The following CDH17 variants were observed in gnomAD, a reference collection of about 807,000 sequenced individuals.
The protein encoded by CDH17 is cadherin-17.
Under a neutral mutation model 86.3 loss-of-function variants are expected in CDH17, and 67 were observed. That is an observed-to-expected ratio of 0.78 (90% confidence interval 0.64 to 0.95). The LOEUF is 0.95. Among genes scored for constraint, CDH17 ranks in the 40% least tolerant of loss-of-function variants. The pLI is 0.00. For synonymous variants in CDH17, 367 were observed against 366.4 expected (o/e 1.00, Z -0.02); for missense variants, 993 against 1,017.6 (o/e 0.98, Z 0.33).
Position 94,174,127 on chromosome 8 carries a change from C to G in CDH17, c.558G>C (p.Thr186=). The change falls in exon 6 of 18, where the codon ACG becomes ACC. Residue 186 remains threonine (T), a synonymous_variant. Coordinates refer to ENST00000027335, the MANE Select transcript of CDH17 (RefSeq NM_004063.4). ...NVMYFQINNK[T]GAISLTREGS... is the part of the protein sequence containing the mutation. ...CCTCTCGGGTAAGAGAGATGGCTCC[C>G]GTTTTGTTGTTGATCTGAAAGTACA... The G allele has an allele frequency of 6.2e-7, 1 of 1,613,580 alleles. No individual in the cohort carries two copies. Among genetic ancestry groups the G allele is most frequent in the Non-Finnish European group, 8.5e-7 (1 of 1,179,780 alleles).
intron 7 of CDH17, among the ~76,000 whole-genome samples, chr8:94,173,564 T>C (rs552305296): frequency 1.3e-5 from 2 of 152,218 alleles, no homozygotes; most frequent in African/African-American, 4.8e-5. Context: ...CCTCAGGTAT[T>C]TCTTTATAGC....
At chr8:94,194,731 GGTTA>G (rs776983335) in intron 1 of CDH17, 26 bp from the exon 2 acceptor site, 1 of 1,244,584 alleles carries the variant, frequency 8.0e-7, no homozygotes, top group South Asian at 1.3e-5. Flanking sequence ...ATAAAAAAAT[GGTTA>G]GTTACCAGTC....
chr8:94,147,407 C>T (rs945501947), intron 14 of CDH17, among the ~76,000 whole-genome samples: 2 of 152,196 alleles, frequency 1.3e-5, no homozygotes, highest in African/African-American at 4.8e-5. Flanking sequence ...AATCTTTCCA[C>T]ATGCAGGGGC....
chr8:94,177,539 G>A lies in CDH17; in HGVS notation c.285+48C>T, dbSNP rs751046014. The A allele has an allele frequency of 1.9e-6, 3 of 1,603,550 alleles. No homozygotes were observed. The East Asian group carries it at 6.7e-5, about 36-fold the overall frequency. ...GCCAGCCATACTTCCAGAACAAAGG[G>A]TGCTCAGAGAGGTTGGAGTTAGATC... On this transcript the variant is annotated intron_variant, in intron 4 of 17. Transcript: ENST00000027335.
chr8:94,159,866 G>C, intron 12 of CDH17, 105 bp downstream of exon 12: 1 of 773,846 alleles, frequency 1.3e-6, no homozygotes, highest in Non-Finnish European at 1.9e-6. Context: ...CCATGCCTGA[G>C]AGATGGCTGC....
chr8:94,191,924 G>A (rs1813698151), intron 2 of CDH17, among the ~76,000 whole-genome samples: 1 of 152,316 alleles, frequency 6.6e-6, no homozygotes, highest in South Asian at 2.1e-4. Context: ...TGGGTGTGCA[G>A]GACAGATGTC....
At chr8:94,195,890 A>T (rs915372132) in intron 1 of CDH17, among the ~76,000 whole-genome samples, 1 of 151,870 alleles carries the variant, frequency 6.6e-6, no homozygotes, top group African/African-American at 2.4e-5. Context: ...CCTCCCAAGT[A>T]GCTGGGACTA....
At chr8:94,185,434 C>A (rs1813561482) in intron 3 of CDH17, among the ~76,000 whole-genome samples, 2 of 152,102 alleles carry the variant, frequency 1.3e-5, no homozygotes, top group South Asian at 4.1e-4. Flanking sequence ...AAAAGTGGAG[C>A]AGCCCAAGGC....
At chr8:94,170,640 T>C (rs2130636404) in intron 8 of CDH17, 93 bp from the exon 9 acceptor site, 1 of 1,430,548 alleles carries the variant, frequency 7.0e-7, no homozygotes, top group African/African-American at 1.4e-5. Context: ...TGTCATTTAC[T>C]CCCTTATTTT....
In CDH17 at chr8:94,176,534, C is replaced by G. The variant is rs146900389; in HGVS notation, c.424+7G>C. Reference sequence around the variant, plus strand: ...TTCCATAAATATCTCTGGCCCCTGCCTGTTACCTGGGCGAGAGTTCTGCCT... The same window carrying G: ...TTCCATAAATATCTCTGGCCCCTGCGTGTTACCTGGGCGAGAGTTCTGCCT... On this transcript the variant is annotated splice_region_variant and intron_variant, in intron 5 of 17. Transcript: ENST00000027335. 1.2e-6 allele frequency: 2 copies of G among 1,613,474 alleles called. No homozygotes were observed. The highest frequency in any genetic ancestry group is 2.7e-5 in the African/African-American group (2 of 75,018).
At chr8:94,154,652 G>C (rs902875005) in intron 12 of CDH17, among the ~76,000 whole-genome samples, 1 of 152,136 alleles carries the variant, frequency 6.6e-6, no homozygotes, top group South Asian at 2.1e-4. Flanking sequence ...GCTTACTGCT[G>C]TCTTCTCCGT....
At chr8:94,187,457 CCG>C in intron 3 of CDH17, among the ~76,000 whole-genome samples, 1 of 152,174 alleles carries the variant, frequency 6.6e-6, no homozygotes, top group Non-Finnish European at 1.5e-5. Flanking sequence ...AGTAGTCACT[CCG>C]TACATGGTTA....
intron 12 of CDH17, 30 bp from the exon 13 acceptor site, chr8:94,152,142 T>C (rs751316487): frequency 1.2e-6 from 2 of 1,609,964 alleles, no homozygotes; most frequent in Non-Finnish European, 1.7e-6. Flanking sequence ...AAAATTAATT[T>C]TGGGGTGATT....
intron 15 of CDH17, among the ~76,000 whole-genome samples, chr8:94,136,079 C>G (rs1218933843): frequency 2.6e-5 from 4 of 152,108 alleles, no homozygotes; most frequent in Non-Finnish European, 5.9e-5. Flanking sequence ...CTCTGGCTGC[C>G]CTTAACATTT....
At position 94,165,813 on chromosome 8, in the gene CDH17, C is replaced by G; in HGVS notation, c.1230G>C (p.Leu410Phe). ...AGMLQLAKQSLKKQDTPQYNL... is the reference protein window; with the variant it reads ...AGMLQLAKQSFKKQDTPQYNL... ...TGTACTGAGGAGTATCTTGCTTCTT[C>G]AAGGACTGTTTAGCTAACTGTAACA... Residue 410 changes from leucine (L) to phenylalanine (F), a missense_variant, in exon 10 of 18, where the codon TTG becomes TTC. By Grantham distance (22) the Leu-to-Phe change is conservative. Transcript: ENST00000027335. The G allele has an allele frequency of 6.2e-7, 1 of 1,613,968 alleles. No homozygotes were observed. The highest frequency in any genetic ancestry group is 1.1e-5 in the South Asian group (1 of 91,074).
intron 15 of CDH17, among the ~76,000 whole-genome samples, chr8:94,135,422 T>C (rs919036444): frequency 6.6e-6 from 1 of 152,238 alleles, no homozygotes; most frequent in Non-Finnish European, 1.5e-5. Context: ...TGGCCTCCTT[T>C]GTCTCTTTTC....
intron 7 of CDH17, 65 bp downstream of exon 7, chr8:94,173,731 TG>T: frequency 8.7e-7 from 1 of 1,145,970 alleles, no homozygotes; most frequent in Non-Finnish European, 1.3e-6. Flanking sequence ...ACTGTGAGGG[TG>T]GGTCTCTACA....
rs1040332364 is a variant in CDH17 at position 94,145,936 on chromosome 8, T to C, written c.2159A>G (p.Lys720Arg). ...TATTTCTGACAACTCACCATTGATTTTGGAAACTTCCCAGTCGTTTTGTAA... is the reference window on the plus strand; with the variant it reads ...TATTTCTGACAACTCACCATTGATTCTGGAAACTTCCCAGTCGTTTTGTAA... ...GSLQNDWEVS[K>R]INGTHARLST... The change falls in exon 15 of 18, where the codon AAA becomes AGA. Residue 720 changes from lysine (K) to arginine (R), a missense_variant. Lys to Arg is a conservative substitution (Grantham distance 26). Transcript: ENST00000027335. The C allele has an allele frequency of 6.2e-7, 1 of 1,611,682 alleles. No individual in the cohort carries two copies. The highest frequency in any genetic ancestry group is 1.3e-5 in the African/African-American group (1 of 74,826).
At chr8:94,169,817 A>G (rs1304421402) in intron 9 of CDH17, among the ~76,000 whole-genome samples, 5 of 152,230 alleles carry the variant, frequency 3.3e-5, no homozygotes, top group African/African-American at 1.2e-4. Flanking sequence ...GGACACAGTA[A>G]AAGAAAACAT....
Sources: gnomAD v4.1 joint callset for allele counts (sites outside exome capture counted in the v4.1 genomes callset) on GRCh38, gnomAD v4.1.1 for gene constraint, MANE v1.5 for transcripts, NCBI Gene and HGNC (gene_info 2026-07-23, HGNC 2026-07-21) for gene names.